Variants in NEDD9 observed in about 807,000 individuals in gnomAD.
NEDD9 encodes neural precursor cell expressed, developmentally down-regulated 9.
A neutral mutation model predicts 76.6 loss-of-function variants in NEDD9; 26 were observed. That is an observed-to-expected ratio of 0.34 (90% CI 0.25 to 0.47). The LOEUF (loss-of-function observed/expected upper bound fraction) is 0.47. Ranked by LOEUF, NEDD9 falls within the 20% of genes least tolerant of loss-of-function variation. The probability of loss-of-function intolerance (pLI) is 1.00; values close to 1 mark genes in which losing one functional copy is unlikely to be tolerated. For missense variants in NEDD9, 937 were observed against 1,058.5 expected, an observed-to-expected ratio of 0.89 and a Z score of 1.59; for synonymous variants, 392 against 414.2, an observed-to-expected ratio of 0.95 and a Z score of 0.65.
chr6:11,235,740 AC>A (rs929574068), upstream of NEDD9, among the ~76,000 whole-genome samples: 1 of 152,184 alleles, frequency 6.6e-6, no homozygotes, highest in African/African-American at 2.4e-5. The surrounding 1 kb of genome is among the most constrained non-coding windows in gnomAD (Gnocchi z 4.1). Context: ...GACAGAAGTG[AC>A]CCAGGGGAAG....
intron 2 of NEDD9, chr6:11,306,209 A>T (rs1761180566): frequency 8.1e-6 from 5 of 616,992 alleles, no homozygotes; most frequent in Non-Finnish European, 1.4e-5. Flanking sequence ...AAAAATTGAG[A>T]TGCTTTTCAT....
chr6:11,373,589 ATC>A (rs1762919006), intron 1 of NEDD9, among the ~76,000 whole-genome samples: 3 of 152,346 alleles, frequency 2.0e-5, no homozygotes, highest in African/African-American at 7.2e-5. Flanking sequence ...TTCCTGCTGA[ATC>A]CCCAGCACCT....
intron 3 of NEDD9, among the ~76,000 whole-genome samples, chr6:11,283,575 C>T (rs1291771058): frequency 6.6e-6 from 1 of 152,092 alleles, no homozygotes; most frequent in Non-Finnish European, 1.5e-5. Context: ...GGATGATGAC[C>T]TCACCCAGTG....
At chr6:11,259,392 G>A (rs1360242483) in intron 3 of NEDD9, among the ~76,000 whole-genome samples, 1 of 152,198 alleles carries the variant, frequency 6.6e-6, no homozygotes, top group African/African-American at 2.4e-5. Context: ...GCATTGGATT[G>A]TATCCTTGGA....
intron 3 of NEDD9, among the ~76,000 whole-genome samples, chr6:11,269,114 T>G (rs1365689547): frequency 6.6e-6 from 1 of 152,220 alleles, no homozygotes; most frequent in Non-Finnish European, 1.5e-5. Flanking sequence ...GTTAAAGGTT[T>G]TGGGCTGGAA....
intron 3 of NEDD9, chr6:11,305,960 C>T (rs370763616): frequency 6.9e-5 from 111 of 1,612,958 alleles, no homozygotes; most frequent in Admixed American, 2.5e-4. Context: ...AGGGGAATCA[C>T]AAATTGTCTG....
At position 11,314,621 on chromosome 6, in the gene NEDD9, C is replaced by G. The variant is rs544110106; in HGVS notation, c.-152-8466G>C. Among the ~76,000 whole-genome samples the G allele has an allele frequency of 1.1e-4, 16 of 152,306 alleles. 1 individual carries two copies. The South Asian group carries it at 3.3e-3, about 32-fold the overall frequency. On this transcript the variant is annotated intron_variant, in intron 2 of 3. Coordinates refer to the NEDD9 transcript ENST00000397378. ...TCCTACACTGAGGCTTGTGGACCAT[C>G]CAGTCTATGTTTTTTCTTATCTCTC...
chr6:11,273,699 T>C (rs529020556), intron 3 of NEDD9, among the ~76,000 whole-genome samples: 52 of 152,314 alleles, frequency 3.4e-4, no homozygotes, highest in African/African-American at 1.2e-3. Flanking sequence ...GTTCATACAA[T>C]GGAAGGCCGA....
intron 2 of NEDD9, among the ~76,000 whole-genome samples, chr6:11,195,470 T>G (rs538639935): frequency 0.012 from 1,774 of 152,200 alleles, 42 homozygotes; most frequent in African/African-American, 0.041. Context: ...TTTTTTTTTT[T>G]TACTCGCTAT....
At chr6:11,263,648 A>G (rs1233167459) in intron 3 of NEDD9, among the ~76,000 whole-genome samples, 1 of 152,190 alleles carries the variant, frequency 6.6e-6, no homozygotes, top group Admixed American at 6.5e-5. Flanking sequence ...GGCCTTTGAC[A>G]TCATGAGGTC....
chr6:11,251,162 A>G (rs1467278857), intron 3 of NEDD9: 1 of 152,216 alleles, frequency 6.6e-6, no homozygotes, highest in East Asian at 1.9e-4. Flanking sequence ...TTCTCTCAAC[A>G]TGGAAAAGTC....
At position 11,299,281 on chromosome 6, in the gene NEDD9, G is replaced by A. The variant is rs146183247; in HGVS notation, c.12+6711C>T. Among the ~76,000 whole-genome samples the A allele has an allele frequency of 7.0e-4, 106 of 152,348 alleles. 3 individuals are homozygous for A. In the South Asian group the frequency reaches 0.015, roughly 21 times the overall value. On this transcript the variant is annotated intron_variant, in intron 3 of 3. Coordinates refer to the NEDD9 transcript ENST00000397378. ...CGACCTGCAACGCTGCAGCTTGAGG[G>A]GGGGAGGGGCATCTGCCATTGCTGA...
rs374787385 is a variant in NEDD9, at chr6:11,185,122, A to C, written c.*40T>G. 9 of 1,551,190 alleles carry C rather than the reference A, an allele frequency of 5.8e-6. No homozygotes were observed. The highest frequency in any genetic ancestry group is 1.7e-4 in the Middle Eastern group (1 of 5,762). ...CCAGACAGTATTTCCAGTTTTCCTT[A>C]GTAACCGTTAACGCAGTCCCCTTCC... On this transcript the variant is annotated 3_prime_UTR_variant, in exon 7 of 7. Coordinates refer to ENST00000379446, the MANE Select transcript of NEDD9 (RefSeq NM_006403.4).
Position 11,185,594 on chromosome 6 carries a change from C to G in NEDD9, c.2073G>C (p.Gln691His), listed in dbSNP as rs1757958297. 1 of 1,614,096 alleles carries G rather than the reference C, an allele frequency of 6.2e-7. No individual in the cohort carries two copies. The highest frequency in any genetic ancestry group is 8.5e-7 in the Non-Finnish European group (1 of 1,180,052). The change falls in exon 7 of 7, where the codon CAG becomes CAC. Residue 691 changes from glutamine (Q) to histidine (H), a missense_variant. Transcript: ENST00000379446. ...CGCCACTGTTTGTGGTGGGTAGGCT[C>G]TGAGAGGGCTTCCACTTCGAGATGT... ...ENDISKWKPSQSLPTTNSGVS... is the reference protein window; with the variant it reads ...ENDISKWKPSHSLPTTNSGVS...
chr6:11,190,555 G>A lies in NEDD9; in HGVS notation c.1314C>T (p.Tyr438=), dbSNP rs536969516. The A allele has an allele frequency of 5.6e-6, 9 of 1,614,136 alleles. No homozygotes were observed. Among genetic ancestry groups the A allele is most frequent in the African/African-American group, 4.0e-5 (3 of 75,030 alleles). ...CATTGATGTGTCTTTCCATATATCCGTAACACCGCCAGTCGGTAGTGACCA... is the reference window on the plus strand; with the variant it reads ...CATTGATGTGTCTTTCCATATATCCATAACACCGCCAGTCGGTAGTGACCA... ...MALVTTDWRC[Y]GYMERHINEI... Residue 438 remains tyrosine, a synonymous_variant, in exon 5 of 7, where the codon TAC becomes TAT. Coordinates refer to ENST00000379446, the MANE Select transcript of NEDD9 (RefSeq NM_006403.4). The surrounding 1 kb of genome is among the most constrained non-coding windows in gnomAD (Gnocchi z 5.8).
Position 11,213,149 on chromosome 6 carries a change from T to G in NEDD9, c.459+132A>C. ...GGCAAAATCATGCAAACATGATGCCTGAGCTAAGGTATTGGTTATATCTAC... is the reference window on the plus strand; with the variant it reads ...GGCAAAATCATGCAAACATGATGCCGGAGCTAAGGTATTGGTTATATCTAC... On this transcript the variant is annotated intron_variant, in intron 2 of 6. Coordinates refer to ENST00000379446, the MANE Select transcript of NEDD9 (RefSeq NM_006403.4). The surrounding 1 kb of genome is among the most constrained non-coding windows in gnomAD (Gnocchi z 5.4). 24 of 830,304 alleles carry G rather than the reference T, an allele frequency of 2.9e-5. No homozygotes were observed. Among genetic ancestry groups the G allele is most frequent in the Non-Finnish European group, 4.5e-5 (24 of 537,732 alleles). The allele number at this position is 830,304 out of a possible 1,614,324, so 51.4% of individuals were successfully genotyped here.
At chr6:11,215,667 C>T (rs996350332) in intron 1 of NEDD9, among the ~76,000 whole-genome samples, 3 of 152,198 alleles carry the variant, frequency 2.0e-5, no homozygotes, top group Non-Finnish European at 4.4e-5. Flanking sequence ...AGATAGCTGA[C>T]CACTCTGGCC....
intron 3 of NEDD9, among the ~76,000 whole-genome samples, chr6:11,304,463 C>A (rs1761128458): frequency 1.3e-5 from 2 of 152,134 alleles, no homozygotes; most frequent in South Asian, 4.1e-4. Context: ...TGGGTATATA[C>A]CCAAAGGATT....
intron 3 of NEDD9, among the ~76,000 whole-genome samples, chr6:11,239,278 C>T (rs1759664398): frequency 6.6e-6 from 1 of 152,150 alleles, no homozygotes; most frequent in Non-Finnish European, 1.5e-5. Flanking sequence ...GTGAGAGTTT[C>T]TTTTCCGCAA....
Sources: gnomAD v4.1 joint callset for allele counts (sites outside exome capture counted in the v4.1 genomes callset) on GRCh38, gnomAD v4.1.1 for gene constraint, Gnocchi (gnomAD v3.1) non-coding constraint, MANE v1.5 for transcripts, NCBI Gene and HGNC (gene_info 2026-07-23, HGNC 2026-07-21) for gene names.